Variants in TTLL11 observed in about 807,000 individuals in gnomAD.
The protein encoded by TTLL11 is tubulin polyglutamylase TTLL11.
In TTLL11, 42 loss-of-function variants were observed where a neutral mutation model predicts 51.7. The ratio of observed to expected loss-of-function variants is 0.81; its 90% confidence interval spans 0.64 to 1.05. The LOEUF is 1.05. Ranked by LOEUF, TTLL11 falls within the 50% of genes least tolerant of loss-of-function variation. The pLI, the probability that TTLL11 is intolerant of heterozygous loss-of-function variation, is 0.00. For missense variants in TTLL11, 799 were observed against 940.4 expected (o/e 0.85, Z 1.97); for synonymous variants, 381 against 383.5 (o/e 0.99, Z 0.08).
intron 1 of TTLL11, among the ~76,000 whole-genome samples, chr9:122,054,103 C>T (rs1297200846): frequency 7.9e-6 from 1 of 126,838 alleles, no homozygotes. Context: ...GCGTGCCATT[C>T]ATCCTTCACT....
intron 6 of TTLL11, among the ~76,000 whole-genome samples, chr9:121,887,921 A>G (rs1839074684): frequency 6.6e-6 from 1 of 151,818 alleles, no homozygotes; most frequent in African/African-American, 2.4e-5. Flanking sequence ...GGCAACCCCA[A>G]CACCCAGTGG....
chr9:122,084,371 G>C (rs941965223), intron 1 of TTLL11, among the ~76,000 whole-genome samples: 3 of 152,072 alleles, frequency 2.0e-5, no homozygotes, highest in Non-Finnish European at 4.4e-5. Context: ...AAACACCCAG[G>C]GAAACAAACA....
rs897266493 is a variant in TTLL11 at position 121,984,416 on chromosome 9, G to A, written c.1269+4779C>T. Among the ~76,000 whole-genome samples the A allele has an allele frequency of 2.0e-5, 3 of 152,134 alleles. No homozygotes were observed. The East Asian group carries it at 5.8e-4, about 29-fold the overall frequency. On this transcript the variant is annotated intron_variant, in intron 4 of 8. Transcript: ENST00000321582. ...CTGTGCTAAATATTCTTCCTAGTTT[G>A]CTCTTATTTGTGCTTACAATAATTC...
Position 122,093,169 on chromosome 9 carries a change from G to A in TTLL11, c.-21C>T, listed in dbSNP as rs1846316577. The A allele has an allele frequency of 2.0e-6, 3 of 1,493,114 alleles. No individual in the cohort carries two copies. The highest frequency in any genetic ancestry group is 2.7e-6 in the Non-Finnish European group (3 of 1,129,416). 92.5% of individuals were successfully genotyped at this position (1,493,114 alleles called of 1,614,324 possible). ...CGCATGGTGCTCAGGGCCGGGGCCAGTGCCAGTGCCACCGCCGCCGCCGCC... is the reference window on the plus strand; with the variant it reads ...CGCATGGTGCTCAGGGCCGGGGCCAATGCCAGTGCCACCGCCGCCGCCGCC... On this transcript the variant is annotated 5_prime_UTR_variant, in exon 1 of 9. Transcript: ENST00000321582.
At chr9:121,939,792 C>T (rs1309480493) in intron 6 of TTLL11, among the ~76,000 whole-genome samples, 1 of 152,044 alleles carries the variant, frequency 6.6e-6, no homozygotes, top group Non-Finnish European at 1.5e-5. Flanking sequence ...ATTTCCTGCA[C>T]CCAGCCCAGC....
At chr9:121,947,541 A>G (rs1366166139) in intron 6 of TTLL11, among the ~76,000 whole-genome samples, 1 of 152,200 alleles carries the variant, frequency 6.6e-6, no homozygotes, top group Non-Finnish European at 1.5e-5. Flanking sequence ...GCATGCTGCT[A>G]TGGGTTGGGT....
intron 6 of TTLL11, among the ~76,000 whole-genome samples, chr9:121,944,066 T>C (rs1169752989): frequency 6.6e-6 from 1 of 152,206 alleles, no homozygotes; most frequent in Non-Finnish European, 1.5e-5. Flanking sequence ...TGCATTTTCC[T>C]GGAAGGAAGA....
intron 1 of TTLL11, among the ~76,000 whole-genome samples, chr9:122,043,911 G>T (rs1844921282): frequency 6.6e-6 from 1 of 151,984 alleles, no homozygotes; most frequent in African/African-American, 2.4e-5. Context: ...ACAACGTGCA[G>T]GTTTGTTACA....
Position 122,092,939 on chromosome 9 carries a change from G to T in TTLL11, c.210C>A (p.Pro70=). ...PKVLAPAPAQ[P]SAAEEGNTQV... is the part of the protein sequence containing the mutation. ...GGGTGTTCCCCTCCTCAGCCGCACTGGGCTGCGCCGGGGCCGGGGCCAGGA... is the reference window on the plus strand; with the variant it reads ...GGGTGTTCCCCTCCTCAGCCGCACTTGGCTGCGCCGGGGCCGGGGCCAGGA... The change falls in exon 1 of 9, where the codon CCC becomes CCA. Residue 70 remains proline (P), a synonymous_variant. Transcript: ENST00000321582. 6.3e-7 allele frequency: 1 copy of T among 1,580,654 alleles called. No homozygotes were observed.
At chr9:122,012,670 A>ACACATG (rs927208775) in intron 3 of TTLL11, among the ~76,000 whole-genome samples, 1 of 147,142 alleles carries the variant, frequency 6.8e-6, no homozygotes, top group African/African-American at 2.7e-5. Flanking sequence ...ACATACACAC[A>ACACATG]CACACACGCA....
intron 1 of TTLL11, among the ~76,000 whole-genome samples, chr9:122,040,871 A>G (rs1844828452): frequency 6.6e-6 from 1 of 152,260 alleles, no homozygotes; most frequent in African/African-American, 2.4e-5. Flanking sequence ...GCTGTAAGTT[A>G]TTAATTCAGT....
rs966340508 is a variant in TTLL11, at chr9:121,993,852, C to T, written c.694-4082G>A. On this transcript the variant is annotated intron_variant, in intron 3 of 8. Transcript: ENST00000321582. The stretch of plus-strand genomic sequence containing the variant: ...GTCTGCAATACTGGGGAAGTCAAAA[C>T]CAGTTAGGGCAGTCCTTTGTCACTC... 3.0e-4 allele frequency among the ~76,000 whole-genome samples: 46 copies of T among 152,156 alleles called. 1 individual carries two copies. Among genetic ancestry groups the T allele is most frequent in the Admixed American group, 2.6e-3 (39 of 15,282 alleles).
At chr9:122,039,744 G>A (rs1467619638) in intron 1 of TTLL11, among the ~76,000 whole-genome samples, 1 of 152,090 alleles carries the variant, frequency 6.6e-6, no homozygotes, top group Non-Finnish European at 1.5e-5. Flanking sequence ...GGTAAGGGGA[G>A]GAACCAGGAT....
intron 6 of TTLL11, among the ~76,000 whole-genome samples, chr9:121,928,463 A>G (rs866069856): frequency 3.3e-4 from 45 of 136,350 alleles, no homozygotes; most frequent in African/African-American, 1.2e-3. Context: ...TTTTTTTGAG[A>G]TAGAATCTCA....
chr9:121,881,782 G>A (rs1276278980), intron 6 of TTLL11, among the ~76,000 whole-genome samples: 2 of 152,108 alleles, frequency 1.3e-5, no homozygotes, highest in Admixed American at 1.3e-4. Context: ...TTGGTCAGGG[G>A]AAAAAGGGAA....
chr9:121,924,054 G>T (rs1840631702), intron 6 of TTLL11, among the ~76,000 whole-genome samples: 2 of 152,152 alleles, frequency 1.3e-5, no homozygotes, highest in Non-Finnish European at 2.9e-5. Context: ...CACCATGATT[G>T]TGAGGCTTCC....
At position 122,093,276 on chromosome 9, in the gene TTLL11, T is replaced by A. The variant is rs780333139; in HGVS notation, c.-128A>T. 6.4e-7 allele frequency: 1 copy of A among 1,556,200 alleles called. No homozygotes were observed. Among genetic ancestry groups the A allele is most frequent in the Non-Finnish European group, 8.6e-7 (1 of 1,161,578 alleles). On this transcript the variant is annotated 5_prime_UTR_variant, in exon 1 of 9. The change abolishes an upstream ATG in the 5' untranslated region. Coordinates refer to ENST00000321582, the MANE Select transcript of TTLL11 (RefSeq NM_001139442.2). Reference sequence around the variant, plus strand: ...CGTTCCCCGCCCGAGCCCGTTGCCATGATCGCTCAGGCTCGGGTTGACAGC... The same window carrying A: ...CGTTCCCCGCCCGAGCCCGTTGCCAAGATCGCTCAGGCTCGGGTTGACAGC...
At chr9:121,903,780 G>A (rs1198360492) in intron 6 of TTLL11, among the ~76,000 whole-genome samples, 4 of 152,190 alleles carry the variant, frequency 2.6e-5, no homozygotes, top group East Asian at 1.9e-4. Context: ...GTTCTGCCAC[G>A]TCTATACTTC....
At chr9:121,901,399 G>A (rs540339478) in intron 6 of TTLL11, among the ~76,000 whole-genome samples, 1 of 152,146 alleles carries the variant, frequency 6.6e-6, no homozygotes, top group African/African-American at 2.4e-5. Flanking sequence ...AATTCTTAGT[G>A]TTCCAGGCTT....
Sources: allele counts gnomAD v4.1 joint callset (sites outside exome capture counted in the v4.1 genomes callset), GRCh38; gene constraint gnomAD v4.1.1; transcripts MANE v1.5; gene names NCBI Gene and HGNC (gene_info 2026-07-23, HGNC 2026-07-21).